The following RSBN1 variants were observed in gnomAD, a reference collection of about 807,000 sequenced individuals.
The protein encoded by RSBN1 is lysine-specific demethylase 9.
Under a neutral mutation model 74.8 loss-of-function variants are expected in RSBN1, and 23 were observed. That is an observed-to-expected ratio of 0.31 (90% CI 0.22 to 0.44). RSBN1 has a LOEUF of 0.44. Among genes scored for constraint, RSBN1 ranks in the 20% least tolerant of loss-of-function variants. RSBN1 has a pLI of 1.00. For synonymous variants in RSBN1, 407 were observed against 379.6 expected (o/e 1.07, Z -0.84); for missense variants, 808 against 1,020.9 (o/e 0.79, Z 2.84).
chr1:113,789,727 T>C (rs577428551), intron 2 of RSBN1, among the ~76,000 whole-genome samples: 39 of 152,208 alleles, frequency 2.6e-4, no homozygotes, highest in Non-Finnish European at 5.0e-4. Flanking sequence ...TGCTTGCTTG[T>C]TGTGGGGGAG....
In RSBN1 at chr1:113,812,170, G is replaced by A. The variant is rs1404882635; in HGVS notation, c.243C>T (p.Ser81=). The change falls in exon 1 of 7, where the codon TCC becomes TCT. Residue 81 remains serine (S), a synonymous_variant. Coordinates refer to ENST00000261441, the MANE Select transcript of RSBN1 (RefSeq NM_018364.5). The part of the protein sequence containing the change: ...EGKEKPHAGV[S]PRGVKRQRRS... ...GGCGCTGCCGTTTAACTCCCCGCGGGGAGACCCCAGCATGAGGTTTCTCCT... is the reference window on the plus strand; with the variant it reads ...GGCGCTGCCGTTTAACTCCCCGCGGAGAGACCCCAGCATGAGGTTTCTCCT... 3.7e-6 allele frequency: 6 copies of A among 1,609,110 alleles called. No individual in the cohort carries two copies. Among genetic ancestry groups the A allele is most frequent in the South Asian group, 2.2e-5 (2 of 91,072 alleles).
chr1:113,770,170 G>A (rs1353887582), intron 4 of RSBN1, among the ~76,000 whole-genome samples: 1 of 152,192 alleles, frequency 6.6e-6, no homozygotes, highest in Non-Finnish European at 1.5e-5. Context: ...ATGCTGAAGA[G>A]ACTTCTGGGA....
At chr1:113,806,863 A>G (rs1232813385) in intron 1 of RSBN1, among the ~76,000 whole-genome samples, 1 of 131,010 alleles carries the variant, frequency 7.6e-6, no homozygotes, top group Non-Finnish European at 1.6e-5. Flanking sequence ...AAAAAAAAAC[A>G]TTAGCCAGGT....
At position 113,765,743 on chromosome 1, in the gene RSBN1, A is replaced by T. The variant is rs1016549577; in HGVS notation, c.*237T>A. 4.4e-5 allele frequency: 18 copies of T among 405,320 alleles called. No homozygotes were observed. Among genetic ancestry groups the T allele is most frequent in the Non-Finnish European group, 7.6e-5 (17 of 224,782 alleles). The allele number at this position is 405,320 out of a possible 1,614,324, so 25.1% of individuals were successfully genotyped here. A position where few individuals can be genotyped will look rare whatever the true frequency, so the allele number is the denominator to read the frequency against. ...AGATTGAATTGTTACCTCACACCTT[A>T]AAACAGAAAGTAGCAGCAGACCCAC... is the stretch of plus-strand genomic sequence containing the variant. On this transcript the variant is annotated 3_prime_UTR_variant, in exon 7 of 7. Coordinates refer to ENST00000261441, the MANE Select transcript of RSBN1 (RefSeq NM_018364.5).
intron 2 of RSBN1, among the ~76,000 whole-genome samples, chr1:113,794,562 A>G (rs1447438781): frequency 6.6e-6 from 1 of 152,178 alleles, no homozygotes; most frequent in Non-Finnish European, 1.5e-5. Context: ...GCATTCTCAA[A>G]TGCCTCTGTG....
chr1:113,781,948 C>G (rs767302893), intron 2 of RSBN1, among the ~76,000 whole-genome samples: 2 of 152,110 alleles, frequency 1.3e-5, no homozygotes, highest in Non-Finnish European at 2.9e-5. Context: ...TACAAATAAT[C>G]TAGGAAAAAA....
At chr1:113,798,094 TC>T in intron 1 of RSBN1, 58 bp from the exon 2 acceptor site, 1 of 1,447,756 alleles carries the variant, frequency 6.9e-7, no homozygotes, top group Non-Finnish European at 9.4e-7. Flanking sequence ...CATACAAGCT[TC>T]TTAAGGTACT....
At position 113,763,279 on chromosome 1, in the gene RSBN1, C is replaced by G. The variant is rs1659715512; in HGVS notation, c.*2701G>C. The G allele has an allele frequency of 6.5e-6, 1 of 152,720 alleles. No homozygotes were observed. The highest frequency in any genetic ancestry group is 2.4e-5 in the African/African-American group (1 of 41,430). 9.5% of individuals were successfully genotyped at this position (152,720 alleles called of 1,614,324 possible). A position where few individuals can be genotyped will look rare whatever the true frequency, so the allele number is the denominator to read the frequency against. On this transcript the variant is annotated 3_prime_UTR_variant, in exon 7 of 7. Coordinates refer to ENST00000261441, the MANE Select transcript of RSBN1 (RefSeq NM_018364.5). Reference sequence around the variant, plus strand: ...ATTTAAAAACCATCCCTCTGCTCCACAAAATATTAAAACTTATAGCCACAT... The same window carrying G: ...ATTTAAAAACCATCCCTCTGCTCCAGAAAATATTAAAACTTATAGCCACAT...
At position 113,767,201 on chromosome 1, in the gene RSBN1, G is replaced by A. The variant is rs770936195; in HGVS notation, c.1833C>T (p.Asp611=). The A allele has an allele frequency of 5.0e-6, 8 of 1,602,664 alleles. No individual in the cohort carries two copies. Among genetic ancestry groups the A allele is most frequent in the Middle Eastern group, 1.7e-4 (1 of 6,022 alleles). ...LKAVQFGEWS[D]QPRITKDVIC... ...TCACATCTTTGGTTATGCGAGGTTG[G>A]TCACTCCTAAGATTAACAAAATTAA... is the stretch of plus-strand genomic sequence containing the variant. Residue 611 remains aspartate (D), a synonymous_variant, in exon 6 of 7, where the codon GAC becomes GAT. Coordinates refer to ENST00000261441, the MANE Select transcript of RSBN1 (RefSeq NM_018364.5).
chr1:113,798,380 G>C (rs182687943), intron 1 of RSBN1, among the ~76,000 whole-genome samples: 219 of 152,234 alleles, frequency 1.4e-3, no homozygotes, highest in African/African-American at 5.1e-3. Context: ...TGATGATTCT[G>C]AAATCTATGT....
intron 4 of RSBN1, among the ~76,000 whole-genome samples, chr1:113,775,949 C>A (rs1258851106): frequency 6.6e-6 from 1 of 152,154 alleles, no homozygotes; most frequent in African/African-American, 2.4e-5. Context: ...CTCCTATGAG[C>A]CTTAAGTTAA....
At position 113,791,016 on chromosome 1, in the gene RSBN1, A is replaced by G. The variant is rs540283605; in HGVS notation, c.1377+6347T>C. The stretch of plus-strand genomic sequence containing the variant: ...GAAAACAAAGAACAAGTTGAATTCT[A>G]CAGCTTTCCGGAGTTTATGTACTGG... On this transcript the variant is annotated intron_variant, in intron 2 of 6. Coordinates refer to ENST00000261441, the MANE Select transcript of RSBN1 (RefSeq NM_018364.5). Among the ~76,000 whole-genome samples the G allele has an allele frequency of 2.0e-5, 3 of 152,324 alleles. No homozygotes were observed. The East Asian group carries it at 5.8e-4, about 29-fold the overall frequency.
intron 1 of RSBN1, among the ~76,000 whole-genome samples, chr1:113,799,905 T>A (rs1351889611): frequency 6.6e-6 from 1 of 152,152 alleles, no homozygotes; most frequent in Non-Finnish European, 1.5e-5. Context: ...GGTCTAGTAT[T>A]TACTGCATAG....
chr1:113,771,945 G>A (rs1447968781), intron 4 of RSBN1, among the ~76,000 whole-genome samples: 1 of 151,244 alleles, frequency 6.6e-6, no homozygotes, highest in Non-Finnish European at 1.5e-5. Context: ...AAGAAGTTAT[G>A]GTACCAAATA....
chr1:113,797,269 AT>A, intron 2 of RSBN1, 93 bp downstream of exon 2: 1 of 986,184 alleles, frequency 1.0e-6, no homozygotes, highest in Non-Finnish European at 1.5e-6. Flanking sequence ...TAAATTTGTT[AT>A]CAAAAATGTG....
intron 4 of RSBN1, among the ~76,000 whole-genome samples, chr1:113,770,545 T>C (rs1361355635): frequency 6.6e-6 from 1 of 152,192 alleles, no homozygotes; most frequent in Non-Finnish European, 1.5e-5. Context: ...TCTAAACACA[T>C]GGAAATTGCC....
At chr1:113,775,772 G>A (rs1186569401) in intron 4 of RSBN1, among the ~76,000 whole-genome samples, 1 of 152,114 alleles carries the variant, frequency 6.6e-6, no homozygotes, top group Non-Finnish European at 1.5e-5. Flanking sequence ...TTCAAGATTC[G>A]TCATCATCCT....
At chr1:113,774,757 T>G (rs1362099999) in intron 4 of RSBN1, among the ~76,000 whole-genome samples, 3 of 151,516 alleles carry the variant, frequency 2.0e-5, no homozygotes, top group Non-Finnish European at 4.4e-5. Context: ...TTGGTGGGGC[T>G]GAGGTGGGAG....
chr1:113,790,526 T>C (rs1660343428), intron 2 of RSBN1, among the ~76,000 whole-genome samples: 2 of 152,108 alleles, frequency 1.3e-5, no homozygotes, highest in South Asian at 4.1e-4. Context: ...GTTTAAATAG[T>C]ATTTATGAAG....
Sources: allele counts gnomAD v4.1 joint callset (sites outside exome capture counted in the v4.1 genomes callset), GRCh38; gene constraint gnomAD v4.1.1; transcripts MANE v1.5; gene names NCBI Gene and HGNC (gene_info 2026-07-23, HGNC 2026-07-21).